The following NXNL2 variants were observed in gnomAD, a reference collection of about 807,000 sequenced individuals.
NXNL2 encodes nucleoredoxin-like protein 2.
NXNL2 carries 7 observed loss-of-function variants against 11.1 expected under a neutral mutation model. The observed-to-expected ratio is 0.63, with a 90% confidence interval of 0.36 to 1.18. The LOEUF is 1.18. Among genes scored for constraint, NXNL2 ranks in the 50% most tolerant of loss-of-function variants. The pLI, the probability that NXNL2 is intolerant of heterozygous loss-of-function variation, is 0.02. For missense variants in NXNL2, 233 were observed against 217.7 expected (o/e 1.07, Z -0.44); for synonymous variants, 109 against 101.8 (o/e 1.07, Z -0.42).
At chr9:88,546,598 T>A (rs1344358193), downstream of NXNL2, among the ~76,000 whole-genome samples, 1 of 151,266 alleles carries the variant, frequency 6.6e-6, no homozygotes, top group Non-Finnish European at 1.5e-5. Flanking sequence ...TATTTTTAGT[T>A]GAAATGGGGT....
Position 88,555,947 on chromosome 9 carries a change from G to C in NXNL2, c.303-15140G>C, listed in dbSNP as rs72757731. Among the ~76,000 whole-genome samples, 532 of 152,348 alleles carry C rather than the reference G, an allele frequency of 3.5e-3. 2 individuals are homozygous for C. Among genetic ancestry groups the C allele is most frequent in the Middle Eastern group, 6.8e-3 (2 of 294 alleles). ...TGGGCAGCTCTAGGTGCCAGCACAG[G>C]CATGGGCTCCATGAAAGGCTGCAGC... On this transcript the variant is annotated intron_variant, in intron 1 of 2. Transcript: ENST00000375855.
intron 1 of NXNL2, among the ~76,000 whole-genome samples, chr9:88,563,264 G>A (rs1038661201): frequency 2.0e-5 from 3 of 152,168 alleles, no homozygotes; most frequent in Admixed American, 6.5e-5. Context: ...ACACACACAC[G>A]TGTGTGCACT....
chr9:88,583,700 G>T (rs1056904305), intron 1 of NXNL2, among the ~76,000 whole-genome samples: 1 of 152,290 alleles, frequency 6.6e-6, no homozygotes, highest in African/African-American at 2.4e-5. Context: ...AAGCCCTCAC[G>T]CCCAATGTGA....
At chr9:88,572,780 G>A (rs1430147139) in intron 2 of NXNL2, among the ~76,000 whole-genome samples, 1 of 152,184 alleles carries the variant, frequency 6.6e-6, no homozygotes, top group African/African-American at 2.4e-5. Context: ...CACTTTGACA[G>A]CACCCTGGAT....
intron 1 of NXNL2, among the ~76,000 whole-genome samples, chr9:88,559,130 C>T (rs7858936): frequency 0.031 from 4,776 of 152,218 alleles, 241 homozygotes; most frequent in African/African-American, 0.11. Flanking sequence ...CCCATAGGGA[C>T]GACTGCCTGC....
At chr9:88,568,903 A>C (rs1830218138) in intron 1 of NXNL2, among the ~76,000 whole-genome samples, 1 of 152,002 alleles carries the variant, frequency 6.6e-6, no homozygotes, top group South Asian at 2.1e-4. Flanking sequence ...GATATCTTTT[A>C]TTCAAATTTT....
Position 88,559,984 on chromosome 9 carries a change from C to G in NXNL2, c.303-11103C>G, listed in dbSNP as rs78394154. Among the ~76,000 whole-genome samples, 605 of 152,138 alleles carry G rather than the reference C, an allele frequency of 4.0e-3. 3 individuals are homozygous for G. The highest frequency in any genetic ancestry group is 0.014 in the African/African-American group (562 of 41,514). On this transcript the variant is annotated intron_variant, in intron 1 of 2. Coordinates refer to the NXNL2 transcript ENST00000375855. Reference sequence around the variant, plus strand: ...AACCTTTTCGGGTTAACCTTCATGGCCTGCCCTGTCCTGGCCCTGCTGCGT... The same window carrying G: ...AACCTTTTCGGGTTAACCTTCATGGGCTGCCCTGTCCTGGCCCTGCTGCGT...
downstream of NXNL2, among the ~76,000 whole-genome samples, chr9:88,545,884 A>T (rs1479278369): frequency 6.6e-6 from 1 of 151,916 alleles, no homozygotes; most frequent in African/African-American, 2.4e-5. Flanking sequence ...CTCTTGTCTC[A>T]GCCTCCCGAG....
At chr9:88,550,094 AG>A (rs1391544673) in intron 1 of NXNL2, among the ~76,000 whole-genome samples, 2 of 152,168 alleles carry the variant, frequency 1.3e-5, no homozygotes, top group African/African-American at 4.8e-5. Flanking sequence ...CTGGGATTAC[AG>A]GCGTGAGCCA....
At chr9:88,555,762 TC>T (rs1830000816) in intron 1 of NXNL2, among the ~76,000 whole-genome samples, 1 of 152,192 alleles carries the variant, frequency 6.6e-6, no homozygotes, top group Non-Finnish European at 1.5e-5. Flanking sequence ...GGCTCACTCC[TC>T]CCACTTAGCC....
At position 88,583,132 on chromosome 9, in the gene NXNL2, C is replaced by T. The variant is rs563330875; in HGVS notation, n.552-867C>T. On this transcript the variant is annotated intron_variant and non_coding_transcript_variant, in intron 1 of 1. Coordinates refer to the NXNL2 transcript ENST00000478686. ...ATGCTGCTCTCTGTGGCCTCTTATC[C>T]CCTGGCAGGCCCGACTGGGCTCATT... Among the ~76,000 whole-genome samples, 192 of 152,298 alleles carry T rather than the reference C, an allele frequency of 1.3e-3. 1 individual carries two copies. The highest frequency in any genetic ancestry group is 4.2e-3 in the African/African-American group (176 of 41,558).
Position 88,537,762 on chromosome 9 carries a change from T to C in NXNL2, c.302+2026T>C, listed in dbSNP as rs187680807. ...ATTGCCCACAGGACAGAGCCAGACA[T>C]GGTTCAGTGCCTGGCATCCCCAGGG... On this transcript the variant is annotated intron_variant, in intron 1 of 1. Transcript: ENST00000375854. Among the ~76,000 whole-genome samples, 12 of 152,256 alleles carry C rather than the reference T, an allele frequency of 7.9e-5. No homozygotes were observed. The East Asian group carries it at 2.3e-3, about 29-fold the overall frequency.
chr9:88,555,532 C>T (rs1307897916), intron 1 of NXNL2, among the ~76,000 whole-genome samples: 1 of 152,210 alleles, frequency 6.6e-6, no homozygotes, highest in Non-Finnish European at 1.5e-5. Context: ...GGACTGGCTT[C>T]TCTGCCACAT....
At position 88,544,916 on chromosome 9, in the gene NXNL2, AT is replaced by A; in HGVS notation, c.*373del. ...GATAACATTTTCTGGCGATCTGTTT[AT>A]TTTAATGGTATGCTTTCACAACTAT... is the stretch of plus-strand genomic sequence containing the variant. On this transcript the variant is annotated 3_prime_UTR_variant, in exon 2 of 2. Transcript: ENST00000375854. The A allele has an allele frequency of 1.0e-6, 1 of 985,890 alleles. No homozygotes were observed. The allele number at this position is 985,890 out of a possible 1,614,324, so 61.1% of individuals were successfully genotyped here. A position where few individuals can be genotyped will look rare whatever the true frequency, so the allele number is the denominator to read the frequency against.
intron 1 of NXNL2, among the ~76,000 whole-genome samples, chr9:88,539,211 A>G (rs10868791): frequency 0.36 from 55,132 of 152,118 alleles, 17,892 homozygotes; most frequent in African/African-American, 0.83. Flanking sequence ...ATGAGTTTCC[A>G]GGTGATGTTG....
At chr9:88,580,153 C>CTT (rs756690090), downstream of NXNL2, among the ~76,000 whole-genome samples, 15 of 127,764 alleles carry the variant, frequency 1.2e-4, no homozygotes, top group South Asian at 2.7e-4. Flanking sequence ...AAAAAAAATT[C>CTT]TTTTTTTTTT....
At chr9:88,577,912 G>A (rs1389225593), downstream of NXNL2, among the ~76,000 whole-genome samples, 2 of 152,204 alleles carry the variant, frequency 1.3e-5, no homozygotes, top group Non-Finnish European at 2.9e-5. Context: ...GGTGGGTCTG[G>A]CAGCAAGAGC....
intron 1 of NXNL2, among the ~76,000 whole-genome samples, chr9:88,553,599 C>T (rs1275380515): frequency 4.6e-5 from 7 of 152,112 alleles, no homozygotes; most frequent in Non-Finnish European, 7.4e-5. Context: ...CTCTTTCTAG[C>T]GGGTCAGGGA....
At chr9:88,567,276 T>A (rs140030151) in intron 1 of NXNL2, among the ~76,000 whole-genome samples, 17,004 of 152,080 alleles carry the variant, frequency 0.11, 1,396 homozygotes, top group Non-Finnish European at 0.17. Flanking sequence ...GTAGCTGGGA[T>A]TACAGGTGCC....
Sources: gnomAD v4.1 joint callset for allele counts (sites outside exome capture counted in the v4.1 genomes callset) on GRCh38, gnomAD v4.1.1 for gene constraint, MANE v1.5 for transcripts, NCBI Gene and HGNC (gene_info 2026-07-23, HGNC 2026-07-21) for gene names.